The following PRICKLE2 variants were observed in gnomAD, a reference collection of about 807,000 sequenced individuals.
PRICKLE2 encodes prickle-like protein 2.
A neutral mutation model predicts 81.4 loss-of-function variants in PRICKLE2; 21 were observed. That is an observed-to-expected ratio of 0.26 (90% confidence interval 0.18 to 0.37). The LOEUF (loss-of-function observed/expected upper bound fraction) is 0.37, where lower values mean the gene tolerates loss of function less well. PRICKLE2 is among the 10% of genes least tolerant of loss of function. PRICKLE2 has a pLI of 1.00. For missense variants in PRICKLE2, 940 were observed against 1,109.0 expected (o/e 0.85, Z 2.16); for synonymous variants, 456 against 421.5 (o/e 1.08, Z -1.00).
intron 7 of PRICKLE2, 71 bp downstream of exon 7, chr3:64,146,759 C>T (rs2077461392): frequency 2.6e-6 from 4 of 1,555,410 alleles, no homozygotes; most frequent in Non-Finnish European, 3.5e-6. Flanking sequence ...AAAAAAAATT[C>T]CTGGGGACCA....
intron 7 of PRICKLE2, among the ~76,000 whole-genome samples, chr3:64,133,986 A>G (rs2077238015): frequency 6.6e-6 from 1 of 152,168 alleles, no homozygotes; most frequent in South Asian, 2.1e-4. Flanking sequence ...ACTGGCCGAG[A>G]CAGAGTTAAG....
intron 7 of PRICKLE2, among the ~76,000 whole-genome samples, chr3:64,111,275 A>G (rs1257117461): frequency 1.3e-5 from 2 of 152,210 alleles, no homozygotes; most frequent in Admixed American, 6.5e-5. Flanking sequence ...TTTACTCCAT[A>G]TTTATCTGTC....
At chr3:64,184,673 T>A (rs1490272668) in intron 2 of PRICKLE2, among the ~76,000 whole-genome samples, 1 of 152,128 alleles carries the variant, frequency 6.6e-6, no homozygotes, top group African/African-American at 2.4e-5. Flanking sequence ...AATCTCGCTA[T>A]GCTGCCCAGG....
intron 2 of PRICKLE2, among the ~76,000 whole-genome samples, chr3:64,192,605 A>G (rs982926637): frequency 6.6e-6 from 1 of 152,218 alleles, no homozygotes; most frequent in Non-Finnish European, 1.5e-5. Context: ...TTACAGCTTT[A>G]CAAGGCTCAA....
chr3:64,170,427 A>G (rs2077908789), intron 2 of PRICKLE2, among the ~76,000 whole-genome samples: 1 of 152,202 alleles, frequency 6.6e-6, no homozygotes, highest in Non-Finnish European at 1.5e-5. Context: ...TCTAGCTATG[A>G]CTAAGTGCTC....
At chr3:64,119,727 A>C (rs1435595697) in intron 7 of PRICKLE2, among the ~76,000 whole-genome samples, 4 of 152,248 alleles carry the variant, frequency 2.6e-5, no homozygotes, top group African/African-American at 9.6e-5. Context: ...AAAGAAAATA[A>C]AACATTCTGT....
intron 2 of PRICKLE2, among the ~76,000 whole-genome samples, chr3:64,267,022 G>A (rs76507629): frequency 1.3e-5 from 2 of 151,858 alleles, no homozygotes; most frequent in Middle Eastern, 3.4e-3. Flanking sequence ...ACAGATGGGT[G>A]GGGGGAGCTG....
intron 1 of PRICKLE2, among the ~76,000 whole-genome samples, chr3:64,213,313 A>G (rs897036609): frequency 4.6e-5 from 7 of 152,048 alleles, no homozygotes; most frequent in Non-Finnish European, 8.8e-5. Context: ...TCCTGACCTC[A>G]GGTAATCCAC....
intron 7 of PRICKLE2, chr3:64,146,118 A>T (rs980256844): frequency 1.3e-5 from 2 of 152,382 alleles, no homozygotes; most frequent in African/African-American, 4.8e-5. Context: ...GCTGATGACC[A>T]ACTAACACGA....
chr3:64,238,463 G>C (rs1406173270), intron 2 of PRICKLE2, among the ~76,000 whole-genome samples: 2 of 148,162 alleles, frequency 1.3e-5, no homozygotes, highest in Non-Finnish European at 3.0e-5. Context: ...TTCCAGCCTG[G>C]CAACAGAACG....
At chr3:64,208,196 G>C (rs73832127) in intron 1 of PRICKLE2, among the ~76,000 whole-genome samples, 40 of 152,316 alleles carry the variant, frequency 2.6e-4, no homozygotes, top group African/African-American at 9.4e-4. Flanking sequence ...GCTGTTGTTA[G>C]CAAGAAAGGC....
At chr3:64,108,838 G>T (rs773339604) in intron 7 of PRICKLE2, among the ~76,000 whole-genome samples, 1 of 152,054 alleles carries the variant, frequency 6.6e-6, no homozygotes, top group South Asian at 2.1e-4. Context: ...CAGTACTACT[G>T]ACATTTCGGG....
intron 2 of PRICKLE2, among the ~76,000 whole-genome samples, chr3:64,172,930 T>C (rs561360020): frequency 3.3e-5 from 5 of 152,192 alleles, no homozygotes; most frequent in Non-Finnish European, 7.3e-5. Context: ...TGCTGACATC[T>C]TGATCTTGAG....
At chr3:64,207,840 T>C (rs2078716585) in intron 1 of PRICKLE2, among the ~76,000 whole-genome samples, 1 of 152,216 alleles carries the variant, frequency 6.6e-6, no homozygotes, top group Non-Finnish European at 1.5e-5. Flanking sequence ...TGGCTTTGAA[T>C]TGTGTCTTTG....
chr3:64,139,277 G>A (rs1279618948), intron 7 of PRICKLE2, among the ~76,000 whole-genome samples: 1 of 152,122 alleles, frequency 6.6e-6, no homozygotes, highest in East Asian at 1.9e-4. Flanking sequence ...ACTTATTCAG[G>A]CCAATAAAAC....
chr3:64,144,960 A>G (rs1350037177), intron 7 of PRICKLE2, among the ~76,000 whole-genome samples: 1 of 152,190 alleles, frequency 6.6e-6, no homozygotes, highest in East Asian at 1.9e-4. Flanking sequence ...CTGATGGGTG[A>G]TAGTTCTCAG....
intron 2 of PRICKLE2, among the ~76,000 whole-genome samples, chr3:64,168,104 G>C (rs1039919342): frequency 1.3e-5 from 2 of 152,164 alleles, no homozygotes; most frequent in Admixed American, 6.6e-5. Flanking sequence ...GATTCTACCA[G>C]CTCTGGCAAG....
intron 1 of PRICKLE2, among the ~76,000 whole-genome samples, chr3:64,220,198 T>C (rs559757785): frequency 1.3e-5 from 2 of 152,316 alleles, no homozygotes; most frequent in East Asian, 1.9e-4. Flanking sequence ...GACTCATAAC[T>C]GATGAATGGA....
At chr3:64,249,584 G>A (rs2079413825) in intron 2 of PRICKLE2, among the ~76,000 whole-genome samples, 1 of 152,180 alleles carries the variant, frequency 6.6e-6, no homozygotes, top group Non-Finnish European at 1.5e-5. Flanking sequence ...TTGCCACATT[G>A]CTCAACCCCA....
Sources: allele counts gnomAD v4.1 joint callset (sites outside exome capture counted in the v4.1 genomes callset), GRCh38; gene constraint gnomAD v4.1.1; transcripts MANE v1.5; gene names NCBI Gene and HGNC (gene_info 2026-07-23, HGNC 2026-07-21).